OXNAD1: variants seen among roughly 807,000 people sequenced by gnomAD.
OXNAD1 encodes the protein oxidoreductase NAD-binding domain-containing protein 1.
Under a neutral mutation model 32.9 loss-of-function variants are expected in OXNAD1, and 34 were observed. That is an observed-to-expected ratio of 1.03 (90% CI 0.79 to 1.38). The LOEUF is 1.38. Ranked by LOEUF, OXNAD1 falls within the 40% of genes most tolerant of loss-of-function variation. The probability of loss-of-function intolerance (pLI) is 0.00; values close to 1 mark genes in which losing one functional copy is unlikely to be tolerated. For synonymous variants in OXNAD1, 134 were observed against 135.2 expected (o/e 0.99, Z 0.06); for missense variants, 407 against 379.4 (o/e 1.07, Z -0.60).
rs1415163002 is a variant in OXNAD1, at chr3:16,344,918, C to A, written c.*31-4258C>A. 6.6e-6 allele frequency among the ~76,000 whole-genome samples: 1 copy of A among 152,228 alleles called. No homozygotes were observed. The highest frequency in any genetic ancestry group is 2.1e-4 in the South Asian group (1 of 4,828). On this transcript the variant is annotated intron_variant, in intron 9 of 9. Transcript: ENST00000606098. The surrounding 1 kb of genome is among the most constrained non-coding windows in gnomAD (Gnocchi z 4.4). The stretch of plus-strand genomic sequence containing the variant: ...CACTGATTTAATATACTTCAGTTCT[C>A]TCTGGAGAACCATTTGCCCTCTCTT...
chr3:16,307,115 A>ATTTC (rs1480073536), downstream of OXNAD1, among the ~76,000 whole-genome samples: 1 of 152,154 alleles, frequency 6.6e-6, no homozygotes, highest in African/African-American at 2.4e-5. Flanking sequence ...TTGATGCTTG[A>ATTTC]TTTCTTTCAT....
chr3:16,274,643 A>T (rs2065195603), intron 4 of OXNAD1, among the ~76,000 whole-genome samples: 1 of 152,210 alleles, frequency 6.6e-6, no homozygotes, highest in Non-Finnish European at 1.5e-5. Flanking sequence ...ACTATTAGAG[A>T]TCTAGTAAAT....
rs1353807710 is a variant in OXNAD1 at position 16,298,095 on chromosome 3, T to A, written c.432+3098T>A. ...GATGCCTGTGTAGGCATTTCCATTG[T>A]AAATGTATCCTGTCACATTTTTACC... On this transcript the variant is annotated intron_variant, in intron 6 of 8. Transcript: ENST00000285083. This position sits in a 1 kb window ranked among gnomAD's most constrained non-coding sequence, Gnocchi z 5.1. 6.6e-6 allele frequency among the ~76,000 whole-genome samples: 1 copy of A among 152,204 alleles called. No individual in the cohort carries two copies. Among genetic ancestry groups the A allele is most frequent in the Non-Finnish European group, 1.5e-5 (1 of 68,028 alleles).
At chr3:16,310,991 C>CAAAAAAAAAAAA (rs1003070321), downstream of OXNAD1, among the ~76,000 whole-genome samples, 1 of 57,544 alleles carries the variant, frequency 1.7e-5, no homozygotes, top group African/African-American at 9.2e-5. Context: ...ACTCAGTCTC[C>CAAAAAAAAAAAA]AAAAAAAAAA....
intron 5 of OXNAD1, among the ~76,000 whole-genome samples, chr3:16,293,845 G>T (rs998871194): frequency 1.3e-5 from 2 of 152,160 alleles, no homozygotes; most frequent in Non-Finnish European, 2.9e-5. Flanking sequence ...TTCCTAATTT[G>T]TTGAGTATTT....
rs1438102341 is a variant in OXNAD1 at position 16,271,246 on chromosome 3, T to C, written c.119+175T>C. ...TGAGATGGAGTCTTGCTCCGTCGCC[T>C]GGGCTGGAGTGCAGTGGCACGATCT... On this transcript the variant is annotated intron_variant, in intron 3 of 8. Transcript: ENST00000285083. The surrounding 1 kb of genome is among the most constrained non-coding windows in gnomAD (Gnocchi z 4.6). 5.2e-5 allele frequency: 38 copies of C among 731,294 alleles called. No individual in the cohort carries two copies. In the Admixed American group the frequency reaches 1.1e-3, roughly 22 times the overall value. The allele number at this position is 731,294 out of a possible 1,614,324, so 45.3% of individuals were successfully genotyped here. A position where few individuals can be genotyped will look rare whatever the true frequency, so the allele number is the denominator to read the frequency against.
chr3:16,323,637 T>A (rs2069342040), intron 9 of OXNAD1, among the ~76,000 whole-genome samples: 1 of 152,194 alleles, frequency 6.6e-6, no homozygotes. Flanking sequence ...TCCGAGGGGC[T>A]ATCTCAGATG....
rs11284055 is a variant in OXNAD1 at position 16,271,209 on chromosome 3, GTT to G, written c.119+145_119+146del. ...TGTGCATGCTGTCAGGTTGTTAACC[GTT>G]TTTTTTGTCTGAGATGGAGTCTTGC... On this transcript the variant is annotated intron_variant, in intron 3 of 8. Transcript: ENST00000285083. This position sits in a 1 kb window ranked among gnomAD's most constrained non-coding sequence, Gnocchi z 4.6. The G allele has an allele frequency of 2.9e-6, 3 of 1,018,252 alleles. No homozygotes were observed. Among genetic ancestry groups the G allele is most frequent in the Non-Finnish European group, 2.8e-6 (2 of 702,392 alleles). 63.1% of individuals were successfully genotyped at this position (1,018,252 alleles called of 1,614,324 possible).
At chr3:16,272,365 G>T in intron 4 of OXNAD1, 1 of 230,794 alleles carries the variant, frequency 4.3e-6, no homozygotes. Context: ...TCGGATATTT[G>T]ATTTTGCTTT....
At chr3:16,338,903 CGTT>C (rs1419181519), downstream of OXNAD1, among the ~76,000 whole-genome samples, 1 of 152,200 alleles carries the variant, frequency 6.6e-6, no homozygotes, top group Non-Finnish European at 1.5e-5. This position sits in a 1 kb window ranked among gnomAD's most constrained non-coding sequence, Gnocchi z 5.3. Context: ...AAACTGTCAA[CGTT>C]GTCCCCTCCA....
downstream of OXNAD1, among the ~76,000 whole-genome samples, chr3:16,306,325 C>G (rs1030745011): frequency 6.6e-5 from 10 of 151,948 alleles, no homozygotes; most frequent in African/African-American, 1.2e-4. Context: ...TGGGGGTGTT[C>G]TTCTTGCTGG....
At chr3:16,340,204 C>T (rs2071222553), downstream of OXNAD1, among the ~76,000 whole-genome samples, 1 of 152,216 alleles carries the variant, frequency 6.6e-6, no homozygotes, top group Non-Finnish European at 1.5e-5. Context: ...CATCTCTTGA[C>T]TCTGAGCTGG....
rs1206759819 is a variant in OXNAD1, at chr3:16,302,594, T to A, written c.676-46T>A. ...CGTCAATGGTTGTGCACATCTGTTT[T>A]GATTTTTTAAAATTGTAGTGTGACC... is the stretch of plus-strand genomic sequence containing the variant. On this transcript the variant is annotated intron_variant, in intron 7 of 8. Transcript: ENST00000285083. This position sits in a 1 kb window ranked among gnomAD's most constrained non-coding sequence, Gnocchi z 4.2. The A allele has an allele frequency of 7.3e-7, 1 of 1,367,790 alleles. No homozygotes were observed. Among genetic ancestry groups the A allele is most frequent in the East Asian group, 2.4e-5 (1 of 41,368 alleles). The allele number at this position is 1,367,790 out of a possible 1,614,324, so 84.7% of individuals were successfully genotyped here.
At position 16,284,510 on chromosome 3, in the gene OXNAD1, A is replaced by G. The variant is rs1157269365; in HGVS notation, c.184-1832A>G. On this transcript the variant is annotated intron_variant, in intron 4 of 8. Transcript: ENST00000285083. This position sits in a 1 kb window ranked among gnomAD's most constrained non-coding sequence, Gnocchi z 4.1. The stretch of plus-strand genomic sequence containing the variant: ...GTACTGAATATTTCAGGCGTTTGTA[A>G]CACAATATTTGTGTGTCTAAACATA... Among the ~76,000 whole-genome samples, 4 of 152,218 alleles carry G rather than the reference A, an allele frequency of 2.6e-5. No individual in the cohort carries two copies. Among genetic ancestry groups the G allele is most frequent in the Non-Finnish European group, 5.9e-5 (4 of 68,034 alleles).
rs1470557855 is a variant in OXNAD1, at chr3:16,342,911, C to T, written c.*31-6265C>T. 6.6e-6 allele frequency among the ~76,000 whole-genome samples: 1 copy of T among 152,228 alleles called. No homozygotes were observed. The highest frequency in any genetic ancestry group is 6.5e-5 in the Admixed American group (1 of 15,290). On this transcript the variant is annotated intron_variant, in intron 9 of 9. Coordinates refer to the OXNAD1 transcript ENST00000606098. This position sits in a 1 kb window ranked among gnomAD's most constrained non-coding sequence, Gnocchi z 4.0. ...CACTGACTTTGAGTCTCGATCTCAG[C>T]TCACTGCAGCCTCAACCTCCCAGGC...
rs1407885489 is a variant in OXNAD1, at chr3:16,317,138, T to A, written c.*30+13546T>A. The A allele has an allele frequency of 6.2e-7, 1 of 1,613,814 alleles. No homozygotes were observed. The highest frequency in any genetic ancestry group is 1.1e-5 in the South Asian group (1 of 91,072). On this transcript the variant is annotated intron_variant, in intron 9 of 9. Coordinates refer to the OXNAD1 transcript ENST00000435829. This position sits in a 1 kb window ranked among gnomAD's most constrained non-coding sequence, Gnocchi z 4.3. ...CTGGTCTTCTAAGTTCTTCTCATTT[T>A]CTTCTGCTTGTTGTTTGTCTCTGGC...
At chr3:16,324,537 A>G (rs1485764482) in intron 9 of OXNAD1, among the ~76,000 whole-genome samples, 1 of 151,154 alleles carries the variant, frequency 6.6e-6, no homozygotes, top group African/African-American at 2.4e-5. Flanking sequence ...AAGGTATGTC[A>G]TTCTGTGCCT....
At position 16,320,018 on chromosome 3, in the gene OXNAD1, A is replaced by C. The variant is rs2068865230; in HGVS notation, c.*30+16426A>C. Among the ~76,000 whole-genome samples the C allele has an allele frequency of 6.6e-6, 1 of 152,242 alleles. No individual in the cohort carries two copies. Among genetic ancestry groups the C allele is most frequent in the South Asian group, 2.1e-4 (1 of 4,834 alleles). On this transcript the variant is annotated intron_variant, in intron 9 of 9. Coordinates refer to the OXNAD1 transcript ENST00000435829. The surrounding 1 kb of genome is among the most constrained non-coding windows in gnomAD (Gnocchi z 4.5). ...TCTGTGGCAGTTGGGTGTGTCACCAAATCCAATTAGCCGCCCAATTCAGAA... is the reference window on the plus strand; with the variant it reads ...TCTGTGGCAGTTGGGTGTGTCACCACATCCAATTAGCCGCCCAATTCAGAA...
intron 1 of OXNAD1, among the ~76,000 whole-genome samples, chr3:16,268,054 C>T (rs2064661530): frequency 6.6e-6 from 1 of 152,004 alleles, no homozygotes; most frequent in Non-Finnish European, 1.5e-5. Flanking sequence ...GGATGGTCTA[C>T]TTTATATGGT....
Sources: gnomAD v4.1 joint callset for allele counts (sites outside exome capture counted in the v4.1 genomes callset) on GRCh38, gnomAD v4.1.1 for gene constraint, Gnocchi (gnomAD v3.1) non-coding constraint, MANE v1.5 for transcripts, NCBI Gene and HGNC (gene_info 2026-07-23, HGNC 2026-07-21) for gene names.